The following GRIA1 variants were observed in gnomAD, a reference collection of about 807,000 sequenced individuals.
GRIA1 encodes glutamate receptor 1.
GRIA1 carries 31 observed loss-of-function variants against 99.2 expected under a neutral mutation model. That is an observed-to-expected ratio of 0.31 (90% CI 0.23 to 0.42). The LOEUF (loss-of-function observed/expected upper bound fraction) is 0.42, where lower values mean the gene tolerates loss of function less well. Ranked by LOEUF, GRIA1 falls within the 10% of genes least tolerant of loss-of-function variation. The pLI, the probability that GRIA1 is intolerant of heterozygous loss-of-function variation, is 1.00. For synonymous variants in GRIA1, 438 were observed against 432.4 expected (o/e 1.01, Z -0.16); for missense variants, 782 against 1,157.5 (o/e 0.68, Z 4.71).
At chr5:153,620,348 T>C (rs997444566) in intron 2 of GRIA1, among the ~76,000 whole-genome samples, 1 of 152,078 alleles carries the variant, frequency 6.6e-6, no homozygotes, top group African/African-American at 2.4e-5. Context: ...TCTGAGATTC[T>C]ACTTGAGACA....
chr5:153,647,283 C>T, intron 3 of GRIA1, 116 bp downstream of exon 3: 1 of 1,274,560 alleles, frequency 7.8e-7, no homozygotes. Flanking sequence ...ATCCAAAATG[C>T]TTTATTTCTG....
At chr5:153,752,514 C>A (rs987890941) in intron 11 of GRIA1, among the ~76,000 whole-genome samples, 1 of 152,202 alleles carries the variant, frequency 6.6e-6, no homozygotes, top group African/African-American at 2.4e-5. Flanking sequence ...GCTAACAGTA[C>A]TGTGCTGAGC....
chr5:153,655,844 T>G lies in GRIA1; in HGVS notation c.671T>G (p.Ile224Ser). 1 of 1,613,426 alleles carries G rather than the reference T, an allele frequency of 6.2e-7. No homozygotes were observed. The highest frequency in any genetic ancestry group is 8.5e-7 in the Non-Finnish European group (1 of 1,179,552). ...ATTATAAAGCTAGAGAAGAATGGCA[T>G]CGGCTACCACTACATTCTTGCAAAT... is the stretch of plus-strand genomic sequence containing the variant. Reference protein sequence around the residue: ...GQIIKLEKNGIGYHYILANLG... With the variant: ...GQIIKLEKNGSGYHYILANLG... The change falls in exon 5 of 16, where the codon ATC becomes AGC. Residue 224 changes from isoleucine to serine, a missense_variant. Coordinates refer to ENST00000285900, the MANE Select transcript of GRIA1 (RefSeq NM_000827.4).
intron 2 of GRIA1, among the ~76,000 whole-genome samples, chr5:153,515,746 T>C (rs990960528): frequency 1.5e-4 from 23 of 152,216 alleles, no homozygotes; most frequent in African/African-American, 5.1e-4. Context: ...TATTTGTCAA[T>C]TAAAAACAAA....
At chr5:153,607,065 A>ATG (rs1554102877) in intron 2 of GRIA1, among the ~76,000 whole-genome samples, 7 of 147,400 alleles carry the variant, frequency 4.7e-5, no homozygotes, top group African/African-American at 1.5e-4. Context: ...ATATATATAT[A>ATG]TATAATCACA....
chr5:153,504,296 T>C (rs1030002918), intron 2 of GRIA1, among the ~76,000 whole-genome samples: 3 of 151,818 alleles, frequency 2.0e-5, no homozygotes, highest in African/African-American at 7.3e-5. Context: ...GAATGGAGAT[T>C]GAATGCTTGA....
intron 13 of GRIA1, 76 bp downstream of exon 13, chr5:153,770,491 A>C (rs566568640): frequency 1.4e-6 from 2 of 1,407,294 alleles, no homozygotes; most frequent in South Asian, 1.3e-5. Flanking sequence ...TGTGTCTGCT[A>C]CAAGCCTCCA....
At chr5:153,626,385 G>A (rs1767604775) in intron 2 of GRIA1, among the ~76,000 whole-genome samples, 1 of 151,508 alleles carries the variant, frequency 6.6e-6, no homozygotes, top group African/African-American at 2.4e-5. Context: ...GCTATGCCAG[G>A]CCTTGACTCT....
intron 2 of GRIA1, among the ~76,000 whole-genome samples, chr5:153,517,346 C>T (rs776909487): frequency 6.6e-6 from 1 of 152,196 alleles, no homozygotes; most frequent in Non-Finnish European, 1.5e-5. Flanking sequence ...CCCTCCTCCC[C>T]CAGGGCTTGC....
intron 2 of GRIA1, among the ~76,000 whole-genome samples, chr5:153,624,288 C>G (rs978432752): frequency 6.6e-6 from 1 of 152,220 alleles, no homozygotes; most frequent in African/African-American, 2.4e-5. Context: ...TCACTTCTCT[C>G]TAACCGTGAC....
chr5:153,768,563 T>C (rs1226283100), intron 12 of GRIA1, among the ~76,000 whole-genome samples: 1 of 152,174 alleles, frequency 6.6e-6, no homozygotes, highest in Non-Finnish European at 1.5e-5. Context: ...ATAGCAACTA[T>C]TTCCATTACT....
intron 11 of GRIA1, among the ~76,000 whole-genome samples, chr5:153,724,448 C>T (rs529106948): frequency 2.6e-5 from 4 of 152,072 alleles, no homozygotes; most frequent in Non-Finnish European, 5.9e-5. Flanking sequence ...CAAACTACTC[C>T]GAGCTACAAG....
intron 2 of GRIA1, among the ~76,000 whole-genome samples, chr5:153,520,848 T>C (rs1233442419): frequency 3.3e-5 from 5 of 152,244 alleles, no homozygotes; most frequent in Non-Finnish European, 5.9e-5. Context: ...AGCAATTATA[T>C]TTCTTACTTT....
intron 14 of GRIA1, chr5:153,795,650 G>C (rs903932942): frequency 3.7e-5 from 36 of 978,060 alleles, no homozygotes; most frequent in Non-Finnish European, 5.3e-5. Flanking sequence ...GTGTTGAACA[G>C]TGTCCTCCGA....
intron 2 of GRIA1, among the ~76,000 whole-genome samples, chr5:153,515,725 G>A (rs1446505208): frequency 6.6e-6 from 1 of 152,170 alleles, no homozygotes; most frequent in African/African-American, 2.4e-5. Flanking sequence ...CTGTAACACA[G>A]AAATAGATAT....
At chr5:153,594,501 T>C (rs967039087) in intron 2 of GRIA1, among the ~76,000 whole-genome samples, 1 of 152,210 alleles carries the variant, frequency 6.6e-6, no homozygotes, top group African/African-American at 2.4e-5. Flanking sequence ...TCCTTCATTA[T>C]AGCATTCTAT....
chr5:153,598,718 T>A (rs1764631890), intron 2 of GRIA1, among the ~76,000 whole-genome samples: 1 of 152,184 alleles, frequency 6.6e-6, no homozygotes, highest in African/African-American at 2.4e-5. Flanking sequence ...GGCTCTTGAG[T>A]TTATGATATG....
chr5:153,776,081 T>C (rs1764233074), intron 13 of GRIA1, among the ~76,000 whole-genome samples: 1 of 152,142 alleles, frequency 6.6e-6, no homozygotes, highest in African/African-American at 2.4e-5. Context: ...AGGGACATGA[T>C]TGGACAGGCT....
intron 8 of GRIA1, among the ~76,000 whole-genome samples, chr5:153,694,994 A>T (rs1319630449): frequency 6.6e-6 from 1 of 152,252 alleles, no homozygotes; most frequent in East Asian, 1.9e-4. Context: ...GAAAAGAAAA[A>T]AAAAACCTTA....
Sources: allele counts gnomAD v4.1 joint callset (sites outside exome capture counted in the v4.1 genomes callset), GRCh38; gene constraint gnomAD v4.1.1; transcripts MANE v1.5; gene names NCBI Gene and HGNC (gene_info 2026-07-23, HGNC 2026-07-21).